Variants in WDR59 observed in about 807,000 individuals in gnomAD.
WDR59 encodes the protein WD repeat domain 59.
Under a neutral mutation model 131.2 loss-of-function variants are expected in WDR59, and 100 were observed. That is an observed-to-expected ratio of 0.76 (90% CI 0.65 to 0.90). The LOEUF (loss-of-function observed/expected upper bound fraction) is 0.90. Ranked by LOEUF, WDR59 falls within the 40% of genes least tolerant of loss-of-function variation. The pLI is 0.00. For missense variants in WDR59, 1,203 were observed against 1,262.2 expected (o/e 0.95, Z 0.71); for synonymous variants, 601 against 466.2 (o/e 1.29, Z -3.72).
chr16:74,981,641 TATATATA>T lies in WDR59; in HGVS notation c.54+3316_54+3322del, dbSNP rs2034421077. On this transcript the variant is annotated intron_variant, in intron 1 of 25. Transcript: ENST00000262144. Reference sequence around the variant, plus strand: ...ATATATATATATATATATATATATATATATATATATATATATATATTTTTTTTTTTTT... The same window carrying T: ...ATATATATATATATATATATATATATTATATATATATATTTTTTTTTTTTT... 2.4e-3 allele frequency among the ~76,000 whole-genome samples: 120 copies of T among 50,212 alleles called. 17 individuals carry two copies. Among genetic ancestry groups the T allele is most frequent in the African/African-American group, 0.015 (114 of 7,364 alleles). The allele number at this position is 50,212 out of a possible 152,430, so 32.9% of individuals were successfully genotyped here. A position where few individuals can be genotyped will look rare whatever the true frequency, so the allele number is the denominator to read the frequency against.
intron 4 of WDR59, among the ~76,000 whole-genome samples, chr16:74,950,819 A>T (rs868853917): frequency 1.6e-4 from 25 of 152,186 alleles, no homozygotes; most frequent in African/African-American, 5.3e-4. Flanking sequence ...ACTGATCATG[A>T]ACTGGGGGAT....
chr16:74,969,063 G>T (rs921986778), intron 1 of WDR59, among the ~76,000 whole-genome samples: 1 of 152,304 alleles, frequency 6.6e-6, no homozygotes, highest in African/African-American at 2.4e-5. Flanking sequence ...CTAGACGTGG[G>T]TTAAGAACCA....
Position 74,922,080 on chromosome 16 carries a change from A to G in WDR59, c.753T>C (p.Thr251=), listed in dbSNP as rs2145002948. 6.2e-7 allele frequency: 1 copy of G among 1,614,214 alleles called. No homozygotes were observed. The highest frequency in any genetic ancestry group is 1.1e-5 in the South Asian group (1 of 91,090). ...RYTPFSNGLV[T]VMVPQLRREN... ...CCCTCCGCAGCTGGGGAACCATCAC[A>G]GTCACCAATCCATTGCTGAAAGGCT... Residue 251 remains threonine (T), a synonymous_variant, in exon 10 of 26, where the codon ACT becomes ACC. Transcript: ENST00000262144.
chr16:74,960,445 G>C, intron 2 of WDR59, among the ~76,000 whole-genome samples: 1 of 151,768 alleles, frequency 6.6e-6, no homozygotes, highest in East Asian at 1.9e-4. Context: ...CAACAAGAAA[G>C]AATGAGAAGA....
chr16:74,970,196 G>C (rs2145211266), intron 1 of WDR59, among the ~76,000 whole-genome samples: 1 of 152,180 alleles, frequency 6.6e-6, no homozygotes, highest in Middle Eastern at 3.4e-3. Flanking sequence ...AGATCAGTTG[G>C]TTGTAGGTAT....
rs1966126716 is a variant in WDR59 at position 74,912,179 on chromosome 16, T to C, written c.1389+19A>G. 1 of 1,614,064 alleles carries C rather than the reference T, an allele frequency of 6.2e-7. No individual in the cohort carries two copies. Among genetic ancestry groups the C allele is most frequent in the Admixed American group, 1.7e-5 (1 of 59,998 alleles). Reference sequence around the variant, plus strand: ...ATGATGCAGAACAGCAAGGAGAATTTGGGAACCCAGACCCCCACCTTCAGC... The same window carrying C: ...ATGATGCAGAACAGCAAGGAGAATTCGGGAACCCAGACCCCCACCTTCAGC... On this transcript the variant is annotated intron_variant, in intron 14 of 25. Transcript: ENST00000262144.
In WDR59 at chr16:74,905,348, C is replaced by A. The variant is rs566861458; in HGVS notation, c.1713-1248G>T. Among the ~76,000 whole-genome samples the A allele has an allele frequency of 4.0e-5, 6 of 151,258 alleles. No individual in the cohort carries two copies. The South Asian group carries it at 1.2e-3, about 31-fold the overall frequency. ...TGAGATTGCGCCATTGCACTCCAGC[C>A]TGGGCAACAAGAGCGAAACTCCGTC... On this transcript the variant is annotated intron_variant, in intron 17 of 25. Transcript: ENST00000262144.
intron 18 of WDR59, among the ~76,000 whole-genome samples, chr16:74,900,942 A>C (rs1965519970): frequency 6.6e-6 from 1 of 152,180 alleles, no homozygotes; most frequent in Admixed American, 6.5e-5. Flanking sequence ...AACATGGTGA[A>C]ACCATGATTA....
In WDR59 at chr16:74,945,569, A is replaced by G. The variant is rs112807413; in HGVS notation, c.446-2743T>C. 5.2e-3 allele frequency among the ~76,000 whole-genome samples: 798 copies of G among 152,198 alleles called. 3 individuals carry two copies. The highest frequency in any genetic ancestry group is 0.018 in the African/African-American group (754 of 41,536). On this transcript the variant is annotated intron_variant, in intron 6 of 25. Coordinates refer to ENST00000262144, the MANE Select transcript of WDR59 (RefSeq NM_030581.4). ...CTGTAGACCACCTGTATTTCTATTC[A>G]GTTATACGCCCTCTGCAGCCAGTCT... is the stretch of plus-strand genomic sequence containing the variant.
chr16:74,917,499 C>A (rs975758588), intron 11 of WDR59, among the ~76,000 whole-genome samples: 13 of 152,116 alleles, frequency 8.5e-5, no homozygotes, highest in Admixed American at 4.6e-4. Flanking sequence ...ACTCAGCCAA[C>A]CAGTAAGTAT....
chr16:74,966,146 C>T (rs144143573), intron 1 of WDR59, among the ~76,000 whole-genome samples: 152 of 152,220 alleles, frequency 1.0e-3, no homozygotes, highest in African/African-American at 3.5e-3. Context: ...CCTGTTACCC[C>T]CACACCAAGA....
intron 17 of WDR59, among the ~76,000 whole-genome samples, chr16:74,907,715 G>A (rs1965885170): frequency 6.6e-6 from 1 of 152,228 alleles, no homozygotes; most frequent in Admixed American, 6.5e-5. Context: ...CCAGACTGCG[G>A]AACCAGAAGT....
intron 1 of WDR59, chr16:74,979,111 A>T (rs2034298554): frequency 6.6e-6 from 1 of 152,200 alleles, no homozygotes; most frequent in African/African-American, 2.4e-5. Context: ...TTAAATGGCA[A>T]TTAAAATGCC....
At chr16:74,952,379 C>CAATA (rs1467990424) in intron 3 of WDR59, among the ~76,000 whole-genome samples, 2 of 132,690 alleles carry the variant, frequency 1.5e-5, no homozygotes, top group Non-Finnish European at 3.1e-5. Context: ...GAGGTCGAGG[C>CAATA]AATAGTAAGC....
intron 1 of WDR59, among the ~76,000 whole-genome samples, chr16:74,976,440 CTTT>C (rs763009590): frequency 1.4e-4 from 19 of 137,440 alleles, no homozygotes; most frequent in African/African-American, 4.5e-4. Context: ...TTTTTCTTTT[CTTT>C]TTTTTTTTTT....
At chr16:74,967,085 C>T (rs1439569879) in intron 1 of WDR59, among the ~76,000 whole-genome samples, 1 of 152,174 alleles carries the variant, frequency 6.6e-6, no homozygotes, top group Non-Finnish European at 1.5e-5. Flanking sequence ...GCGACAATCA[C>T]AAATCACAAA....
intron 3 of WDR59, 152 bp from the exon 4 acceptor site, chr16:74,951,695 A>G (rs953307164): frequency 3.0e-6 from 2 of 677,540 alleles, no homozygotes; most frequent in Non-Finnish European, 5.2e-6. Context: ...ATCAGGAATA[A>G]GTACAATTAA....
At chr16:74,968,932 A>T (rs1282472887) in intron 1 of WDR59, among the ~76,000 whole-genome samples, 1 of 152,184 alleles carries the variant, frequency 6.6e-6, no homozygotes, top group Non-Finnish European at 1.5e-5. Flanking sequence ...GAAGGAATGG[A>T]GAAAGGGAAC....
intron 1 of WDR59, among the ~76,000 whole-genome samples, chr16:74,967,560 A>G (rs1046724808): frequency 2.0e-5 from 3 of 152,140 alleles, no homozygotes; most frequent in Non-Finnish European, 4.4e-5. Context: ...CAATCAATTG[A>G]CCTTAAGATA....
Sources: gnomAD v4.1 joint callset for allele counts (sites outside exome capture counted in the v4.1 genomes callset) on GRCh38, gnomAD v4.1.1 for gene constraint, MANE v1.5 for transcripts, NCBI Gene and HGNC (gene_info 2026-07-23, HGNC 2026-07-21) for gene names.